ZNF81: variants seen among roughly 807,000 people sequenced by gnomAD.
The protein encoded by ZNF81 is zinc finger protein 81 (HFZ20).
Under a neutral mutation model 32.3 loss-of-function variants are expected in ZNF81, and 5 were observed. The observed-to-expected ratio is 0.15, with a 90% CI of 0.08 to 0.33. The LOEUF (loss-of-function observed/expected upper bound fraction) is 0.33, where lower values mean the gene tolerates loss of function less well. Ranked by LOEUF, ZNF81 falls within the 10% of genes least tolerant of loss-of-function variation. The pLI is 1.00. For missense variants in ZNF81, 379 were observed against 479.8 expected (o/e 0.79, Z 1.96); for synonymous variants, 163 against 166.8 (o/e 0.98, Z 0.17).
intron 1 of ZNF81, among the ~76,000 whole-genome samples, chrX:47,842,246 C>G (rs1426730569): frequency 1.8e-5 from 2 of 111,721 alleles, no homozygotes; most frequent in Non-Finnish European, 3.8e-5. Flanking sequence ...TCAGCAGGTG[C>G]TTGAAAGGAA....
intron 2 of ZNF81, among the ~76,000 whole-genome samples, chrX:47,863,052 C>T (rs1163166739): frequency 9.0e-6 from 1 of 111,626 alleles, no homozygotes; most frequent in African/African-American, 3.3e-5. Context: ...GGCTTTTTCA[C>T]AGGTAAACCC....
chrX:47,847,821 G>A (rs1328523287), intron 2 of ZNF81, among the ~76,000 whole-genome samples: 2 of 112,074 alleles, frequency 1.8e-5, no homozygotes, highest in Non-Finnish European at 3.8e-5. Context: ...AAATTTATGT[G>A]TAGAAATATA....
At position 47,924,180 on chromosome X, in the gene ZNF81, A is replaced by G. The variant is rs1339670081; in HGVS notation, c.*7548A>G. 8.9e-6 allele frequency among the ~76,000 whole-genome samples: 1 copy of G among 112,247 alleles called. No homozygotes were observed. The highest frequency in any genetic ancestry group is 3.2e-5 in the African/African-American group (1 of 30,860). On this transcript the variant is annotated 3_prime_UTR_variant, in exon 5 of 5. Coordinates refer to ENST00000338637, the MANE Select transcript of ZNF81 (RefSeq NM_007137.5). ...CCCCAGCTACCTCTATAAATTGTGC[A>G]TGCATCCCTTATTCCATAATGCTCA... is the stretch of plus-strand genomic sequence containing the variant.
chrX:47,872,135 C>A (rs1221735622), intron 2 of ZNF81, among the ~76,000 whole-genome samples: 1 of 111,859 alleles, frequency 8.9e-6, no homozygotes, highest in African/African-American at 3.3e-5. Flanking sequence ...GCTCTATAGT[C>A]CCCTAGCAGT....
Position 47,918,410 on chromosome X carries a change from A to G in ZNF81, c.*1778A>G, listed in dbSNP as rs1158600678. The G allele has an allele frequency of 9.0e-6, 1 of 111,520 alleles. No homozygotes were observed. The highest frequency in any genetic ancestry group is 1.9e-5 in the Non-Finnish European group (1 of 53,131). The allele number at this position is 111,520 out of a possible 1,213,427, so 9.2% of individuals were successfully genotyped here. A position where few individuals can be genotyped will look rare whatever the true frequency, so the allele number is the denominator to read the frequency against. ...AACTTAAGGGCTTCTAAAAATCTTC[A>G]TGACGTTGTCCCATAGAAGCCTGAC... On this transcript the variant is annotated 3_prime_UTR_variant, in exon 5 of 5. Coordinates refer to ENST00000338637, the MANE Select transcript of ZNF81 (RefSeq NM_007137.5).
Position 47,846,189 on chromosome X carries a change from T to A in ZNF81, c.-79T>A. 8.9e-7 allele frequency: 1 copy of A among 1,119,698 alleles called. No individual in the cohort carries two copies. Among genetic ancestry groups the A allele is most frequent in the South Asian group, 1.9e-5 (1 of 52,126 alleles). The allele number at this position is 1,119,698 out of a possible 1,213,427, so 92.3% of individuals were successfully genotyped here. A position where few individuals can be genotyped will look rare whatever the true frequency, so the allele number is the denominator to read the frequency against. ...TTCCTTCTGACCCCAGCAGTCCCCG[T>A]TGAGTCCACCGATCCCACTGGAATT... On this transcript the variant is annotated 5_prime_UTR_variant, in exon 2 of 5. It adds an upstream start codon to the 5' untranslated region. Coordinates refer to ENST00000338637, the MANE Select transcript of ZNF81 (RefSeq NM_007137.5).
rs1173481137 is a variant in ZNF81, at chrX:47,914,925, T to C, written c.279T>C (p.Asp93=). Reference sequence around the variant, plus strand: ...TTTACTTTTTCTTTCTCTTTTTAGATGGGAAATTTGGAATTAAGCCTTCCC... The same window carrying C: ...TTTACTTTTTCTTTCTCTTTTTAGACGGGAAATTTGGAATTAAGCCTTCCC... ...EGEAPHQSCS[D]GKFGIKPSQR... is the part of the protein sequence containing the mutation. The change falls in exon 5 of 5, where the codon GAT becomes GAC. Residue 93 remains aspartate (D), a splice_region_variant and synonymous_variant. Coordinates refer to ENST00000338637, the MANE Select transcript of ZNF81 (RefSeq NM_007137.5). The C allele has an allele frequency of 8.3e-6, 10 of 1,206,060 alleles. No individual in the cohort carries two copies. Among genetic ancestry groups the C allele is most frequent in the Non-Finnish European group, 1.0e-5 (9 of 893,311 alleles).
Position 47,923,026 on chromosome X carries a change from C to G in ZNF81, c.*6394C>G, listed in dbSNP as rs2058781837. Among the ~76,000 whole-genome samples the G allele has an allele frequency of 8.9e-6, 1 of 111,863 alleles. No homozygotes were observed. Among genetic ancestry groups the G allele is most frequent in the Non-Finnish European group, 1.9e-5 (1 of 53,167 alleles). On this transcript the variant is annotated 3_prime_UTR_variant, in exon 5 of 5. Coordinates refer to ENST00000338637, the MANE Select transcript of ZNF81 (RefSeq NM_007137.5). ...ACTAGTTATATTGGAGTGGGGTTCA[C>G]TTTAATGGCCCCATTTTAACTTAAT...
intron 4 of ZNF81, among the ~76,000 whole-genome samples, chrX:47,901,047 G>A (rs5906517): frequency 0.37 from 40,165 of 109,581 alleles, 5,641 homozygotes; most frequent in Non-Finnish European, 0.44. Context: ...AACTCACTAC[G>A]TGCTAGTCAC....
chrX:47,905,409 T>TAAAAAAAA (rs782351301), intron 4 of ZNF81, among the ~76,000 whole-genome samples: 1 of 29,470 alleles, frequency 3.4e-5, no homozygotes, highest in Non-Finnish European at 6.1e-5. Flanking sequence ...AGACTCCATC[T>TAAAAAAAA]AAAAAAAAAA....
At chrX:47,878,273 C>T (rs1182606119) in intron 2 of ZNF81, among the ~76,000 whole-genome samples, 2 of 111,707 alleles carry the variant, frequency 1.8e-5, no homozygotes, top group African/African-American at 6.5e-5. Flanking sequence ...GGAACTGCAC[C>T]TCCACCCCTC....
intron 2 of ZNF81, among the ~76,000 whole-genome samples, chrX:47,870,558 C>T (rs2058576352): frequency 8.9e-6 from 1 of 112,611 alleles, no homozygotes; most frequent in Non-Finnish European, 1.9e-5. Context: ...TTTTGTATCC[C>T]CAAAGTGAGA....
chrX:47,837,473 C>T (rs1328814262), intron 1 of ZNF81, among the ~76,000 whole-genome samples: 3 of 112,163 alleles, frequency 2.7e-5, no homozygotes, highest in Non-Finnish European at 3.8e-5. Flanking sequence ...GAGAAATTCT[C>T]CACTGTGATG....
intron 2 of ZNF81, among the ~76,000 whole-genome samples, chrX:47,870,475 T>C (rs1556883775): frequency 8.9e-6 from 1 of 112,722 alleles, no homozygotes; most frequent in Non-Finnish European, 1.9e-5. Flanking sequence ...TATAATAGTT[T>C]ATAGGATTCT....
At chrX:47,840,431 T>C (rs2049652057) in intron 1 of ZNF81, among the ~76,000 whole-genome samples, 1 of 111,457 alleles carries the variant, frequency 9.0e-6, no homozygotes, top group South Asian at 3.7e-4. Flanking sequence ...TCCTTGAAAC[T>C]GGACTGTGAT....
intron 2 of ZNF81, among the ~76,000 whole-genome samples, chrX:47,873,890 C>A (rs1370477149): frequency 3.6e-5 from 4 of 111,444 alleles, no homozygotes; most frequent in Non-Finnish European, 7.5e-5. Flanking sequence ...TCATCTCGAA[C>A]TCCTTGGCCT....
At chrX:47,863,588 G>A (rs904834423) in intron 2 of ZNF81, among the ~76,000 whole-genome samples, 3 of 111,979 alleles carry the variant, frequency 2.7e-5, no homozygotes, top group East Asian at 2.8e-4. Context: ...CCCATAGGCC[G>A]TTCATGTGAA....
At chrX:47,838,294 T>G (rs2058433121) in intron 1 of ZNF81, among the ~76,000 whole-genome samples, 2 of 112,063 alleles carry the variant, frequency 1.8e-5, no homozygotes, top group African/African-American at 6.5e-5. Context: ...TTTCCAATCT[T>G]TATACCTCTG....
intron 4 of ZNF81, among the ~76,000 whole-genome samples, chrX:47,905,822 C>T (rs1232211782): frequency 1.8e-5 from 2 of 112,604 alleles, no homozygotes; most frequent in Non-Finnish European, 3.8e-5. Context: ...AAGCAATGAC[C>T]TAGGAGATCC....
Sources: gnomAD v4.1 joint callset for allele counts (sites outside exome capture counted in the v4.1 genomes callset) on GRCh38, gnomAD v4.1.1 for gene constraint, MANE v1.5 for transcripts, NCBI Gene and HGNC (gene_info 2026-07-23, HGNC 2026-07-21) for gene names.